LAMA2: variants seen among roughly 807,000 people sequenced by gnomAD.
LAMA2 encodes laminin subunit alpha-2.
LAMA2 carries 269 observed loss-of-function variants against 364.8 expected under a neutral mutation model. The ratio of observed to expected loss-of-function variants is 0.74; its 90% CI spans 0.67 to 0.82. LAMA2 has a LOEUF of 0.82. LAMA2 is among the 40% of genes least tolerant of loss of function. LAMA2 has a pLI of 0.00. For synonymous variants in LAMA2, 1,379 were observed against 1,370.6 expected, an observed-to-expected ratio of 1.01 and a Z score of -0.14; for missense variants, 3,807 against 3,873.2, an observed-to-expected ratio of 0.98 and a Z score of 0.45.
At chr6:129,246,114 A>T (rs1210752149) in intron 12 of LAMA2, among the ~76,000 whole-genome samples, 2 of 152,314 alleles carry the variant, frequency 1.3e-5, no homozygotes, top group Middle Eastern at 3.4e-3. Flanking sequence ...ATAAATAACC[A>T]GAATCACTTA....
chr6:128,961,014 GC>G (rs1781455856), intron 1 of LAMA2, among the ~76,000 whole-genome samples: 1 of 151,598 alleles, frequency 6.6e-6, no homozygotes, highest in Non-Finnish European at 1.5e-5. Context: ...TGTCACGAAA[GC>G]ATGTTAACTC....
At chr6:129,488,354 T>C (rs1039046661) in intron 56 of LAMA2, among the ~76,000 whole-genome samples, 1 of 152,140 alleles carries the variant, frequency 6.6e-6, no homozygotes, top group Non-Finnish European at 1.5e-5. Context: ...TTAAGGAATT[T>C]CAATAAGTAA....
In LAMA2 at chr6:129,033,409, GC is replaced by G. The variant is rs1356611715; in HGVS notation, c.113-16508del. ...CATGGGGAACAGCATCTTTCCTGAT[GC>G]TGTTGTATTCATCAAAGCATAGATG... On this transcript the variant is annotated intron_variant, in intron 1 of 64. Transcript: ENST00000421865. 1.2e-4 allele frequency among the ~76,000 whole-genome samples: 19 copies of G among 152,206 alleles called. 1 individual carries two copies. The highest frequency in any genetic ancestry group is 1.0e-3 in the Admixed American group (16 of 15,290).
At chr6:129,445,330 G>C (rs1281958038) in intron 44 of LAMA2, among the ~76,000 whole-genome samples, 1 of 152,182 alleles carries the variant, frequency 6.6e-6, no homozygotes, top group Non-Finnish European at 1.5e-5. Flanking sequence ...CCTTGCTTCT[G>C]TGACTAAAGT....
rs960956516 is a variant in LAMA2 at position 128,983,579 on chromosome 6, T to A, written c.113-66339T>A. 2.6e-5 allele frequency among the ~76,000 whole-genome samples: 4 copies of A among 152,268 alleles called. No individual in the cohort carries two copies. In the South Asian group the frequency reaches 6.2e-4, roughly 24 times the overall value. ...TAGTCAGGCAGTGTGATTAGTATAGTGCAAGAATGGTAGGAAAGGATGGAG... is the reference window on the plus strand; with the variant it reads ...TAGTCAGGCAGTGTGATTAGTATAGAGCAAGAATGGTAGGAAAGGATGGAG... On this transcript the variant is annotated intron_variant, in intron 1 of 64. Coordinates refer to ENST00000421865, the MANE Select transcript of LAMA2 (RefSeq NM_000426.4).
chr6:129,414,489 G>T (rs1780688509), intron 40 of LAMA2, among the ~76,000 whole-genome samples: 1 of 152,032 alleles, frequency 6.6e-6, no homozygotes, highest in Non-Finnish European at 1.5e-5. Flanking sequence ...ATTAACATTT[G>T]CCAGATACAG....
chr6:129,431,948 C>T (rs1054728892), intron 41 of LAMA2, among the ~76,000 whole-genome samples: 3 of 152,126 alleles, frequency 2.0e-5, no homozygotes, highest in Non-Finnish European at 4.4e-5. Flanking sequence ...AGAGAATAAA[C>T]TGGAATACTG....
intron 4 of LAMA2, among the ~76,000 whole-genome samples, chr6:129,099,446 TTTC>T (rs752149272): frequency 1.3e-5 from 2 of 152,162 alleles, no homozygotes; most frequent in Non-Finnish European, 2.9e-5. Context: ...TTATTCAATA[TTTC>T]TTTAGTATGT....
chr6:129,309,457 A>G (rs1362126051), intron 22 of LAMA2, among the ~76,000 whole-genome samples: 2 of 152,230 alleles, frequency 1.3e-5, no homozygotes, highest in Admixed American at 1.3e-4. Context: ...CTTTGGTTTT[A>G]TACAATTATT....
chr6:129,098,239 G>C lies in LAMA2; in HGVS notation c.463G>C (p.Glu155Gln). 6.2e-7 allele frequency: 1 copy of C among 1,614,072 alleles called. No individual in the cohort carries two copies. Among genetic ancestry groups the C allele is most frequent in the Non-Finnish European group, 8.5e-7 (1 of 1,179,992 alleles). ...NSPRPGNWILERSLDDVEYKP... is the reference protein window; with the variant it reads ...NSPRPGNWILQRSLDDVEYKP... ...CCCCCGGCCTGGAAACTGGATTTTGGAACGCTCTCTTGATGATGTTGAATA... is the reference window on the plus strand; with the variant it reads ...CCCCCGGCCTGGAAACTGGATTTTGCAACGCTCTCTTGATGATGTTGAATA... Residue 155 changes from glutamate to glutamine, a missense_variant, in exon 4 of 65, where the codon GAA becomes CAA. Transcript: ENST00000421865.
intron 4 of LAMA2, among the ~76,000 whole-genome samples, chr6:129,109,635 T>G (rs1776029267): frequency 6.6e-6 from 1 of 152,024 alleles, no homozygotes; most frequent in Middle Eastern, 3.2e-3. Context: ...AAAAGATATA[T>G]ATTTCTCCAA....
At chr6:129,091,375 C>A (rs992256697) in intron 3 of LAMA2, among the ~76,000 whole-genome samples, 3 of 152,176 alleles carry the variant, frequency 2.0e-5, no homozygotes, top group Non-Finnish European at 4.4e-5. Flanking sequence ...TGGAATAATT[C>A]ATTTTCCAAT....
At chr6:129,085,659 C>T (rs1022814015) in intron 3 of LAMA2, among the ~76,000 whole-genome samples, 8 of 152,140 alleles carry the variant, frequency 5.3e-5, no homozygotes, top group African/African-American at 1.9e-4. Context: ...ATGAAAAGGA[C>T]GGAGGAGTTC....
intron 1 of LAMA2, among the ~76,000 whole-genome samples, chr6:128,956,557 A>T (rs1781160938): frequency 3.9e-5 from 6 of 152,038 alleles, no homozygotes. Flanking sequence ...AGTGAAAGAA[A>T]ATAGGGACAA....
At chr6:129,244,535 T>A (rs976511699) in intron 12 of LAMA2, among the ~76,000 whole-genome samples, 1 of 152,130 alleles carries the variant, frequency 6.6e-6, no homozygotes, top group Admixed American at 6.6e-5. Context: ...CCTGAAATAT[T>A]TGCTCTGGTA....
At chr6:129,339,985 G>T (rs1583530632) in intron 29 of LAMA2, among the ~76,000 whole-genome samples, 1 of 147,782 alleles carries the variant, frequency 6.8e-6, no homozygotes, top group South Asian at 2.2e-4. Flanking sequence ...CCTGACTACA[G>T]AGCGAGACTG....
In LAMA2 at chr6:129,098,370, C is replaced by T. The variant is rs1486673336; in HGVS notation, c.594C>T (p.Ile198=). 3.1e-6 allele frequency: 5 copies of T among 1,613,900 alleles called. No homozygotes were observed. In the African/African-American group the frequency reaches 5.3e-5, roughly 17 times the overall value. ...PPSYAKDDEV[I]CTSFYSKIHP... ...CATATGCCAAAGATGATGAGGTCAT[C>T]TGCACTTCATTTTACTCCAAGATAC... is the stretch of plus-strand genomic sequence containing the variant. Residue 198 remains isoleucine (I), a synonymous_variant, in exon 4 of 65, where the codon ATC becomes ATT. Coordinates refer to ENST00000421865, the MANE Select transcript of LAMA2 (RefSeq NM_000426.4).
At chr6:128,973,680 G>C (rs1782342024) in intron 1 of LAMA2, among the ~76,000 whole-genome samples, 1 of 152,128 alleles carries the variant, frequency 6.6e-6, no homozygotes, top group Admixed American at 6.6e-5. Flanking sequence ...GAGAATAAAG[G>C]ATGCGGGAAA....
chr6:129,149,190 T>C (rs1386181934), intron 7 of LAMA2, 94 bp downstream of exon 7: 10 of 808,148 alleles, frequency 1.2e-5, no homozygotes, highest in Non-Finnish European at 2.2e-5. Context: ...GTTATGCAAA[T>C]GTGTCAACAA....
Sources: allele counts gnomAD v4.1 joint callset (sites outside exome capture counted in the v4.1 genomes callset), GRCh38; gene constraint gnomAD v4.1.1; transcripts MANE v1.5; gene names NCBI Gene and HGNC (gene_info 2026-07-23, HGNC 2026-07-21).